Variants in ARHGEF33 observed in about 807,000 individuals in gnomAD.
The protein encoded by ARHGEF33 is DH and coiled-coil domain-containing protein ENSP00000381780.
In ARHGEF33, 72 loss-of-function variants were observed where a neutral mutation model predicts 101.9. That is an observed-to-expected ratio of 0.71 (90% confidence interval 0.58 to 0.86). The LOEUF is 0.86. Among genes scored for constraint, ARHGEF33 ranks in the 40% least tolerant of loss-of-function variants. ARHGEF33 has a pLI of 0.00. For synonymous variants in ARHGEF33, 499 were observed against 442.5 expected (o/e 1.13, Z -1.60); for missense variants, 1,169 against 1,111.3 (o/e 1.05, Z -0.74).
intron 16 of ARHGEF33, among the ~76,000 whole-genome samples, chr2:38,962,380 A>C (rs1337161255): frequency 6.6e-6 from 1 of 152,166 alleles, no homozygotes; most frequent in Non-Finnish European, 1.5e-5. Context: ...ATTTGTGAAA[A>C]ATTTGGGGTT....
intron 2 of ARHGEF33, among the ~76,000 whole-genome samples, chr2:38,912,765 T>C (rs1237324179): frequency 6.6e-6 from 1 of 152,172 alleles, no homozygotes; most frequent in Non-Finnish European, 1.5e-5. Flanking sequence ...TGAAATCATA[T>C]GGACCTGCCC....
intron 2 of ARHGEF33, among the ~76,000 whole-genome samples, chr2:38,915,425 C>T (rs1666609111): frequency 6.7e-6 from 1 of 149,902 alleles, no homozygotes; most frequent in Admixed American, 6.6e-5. Flanking sequence ...CGCCCTGTCC[C>T]CCAGGCTGGA....
At chr2:38,910,225 A>G (rs1266657193) in intron 2 of ARHGEF33, among the ~76,000 whole-genome samples, 2 of 152,208 alleles carry the variant, frequency 1.3e-5, no homozygotes, top group Non-Finnish European at 2.9e-5. Flanking sequence ...TTTAAAACAA[A>G]TTTCAATAAT....
intron 15 of ARHGEF33, 73 bp from the exon 16 acceptor site, chr2:38,959,768 G>T: frequency 7.0e-7 from 1 of 1,434,830 alleles, no homozygotes; most frequent in Non-Finnish European, 9.2e-7. Context: ...GCCCCGAGGG[G>T]CGCCGGCAGG....
At chr2:38,915,853 C>T (rs1666622302) in intron 2 of ARHGEF33, among the ~76,000 whole-genome samples, 1 of 151,948 alleles carries the variant, frequency 6.6e-6, no homozygotes, top group African/African-American at 2.4e-5. Context: ...ATGGGGAGAC[C>T]CTGTCTCTAC....
At position 38,973,855 on chromosome 2, in the gene ARHGEF33, A is replaced by G; in HGVS notation, c.*12A>G. The stretch of plus-strand genomic sequence containing the variant: ...GAACAGCTGTGTAAAACATACTTAA[A>G]GTTGTATTGTCAAGTGGTAAGATGA... On this transcript the variant is annotated 3_prime_UTR_variant, in exon 18 of 18. Transcript: ENST00000409978. 1 of 1,539,960 alleles carries G rather than the reference A, an allele frequency of 6.5e-7. No individual in the cohort carries two copies. The highest frequency in any genetic ancestry group is 8.8e-7 in the Non-Finnish European group (1 of 1,141,926).
chr2:38,965,327 C>T (rs1668029553), intron 16 of ARHGEF33, among the ~76,000 whole-genome samples: 1 of 152,196 alleles, frequency 6.6e-6, no homozygotes, highest in Admixed American at 6.5e-5. Context: ...TTTAGCACAT[C>T]TCACACTTAG....
intron 13 of ARHGEF33, 85 bp downstream of exon 13, chr2:38,954,541 G>T (rs1278348267): frequency 1.2e-5 from 9 of 769,614 alleles, no homozygotes; most frequent in African/African-American, 3.5e-5. Context: ...ATACTGTAAA[G>T]CCTCAAGAAT....
intron 16 of ARHGEF33, among the ~76,000 whole-genome samples, chr2:38,961,109 A>G (rs1244718521): frequency 6.6e-6 from 1 of 152,160 alleles, no homozygotes; most frequent in Non-Finnish European, 1.5e-5. Context: ...AATATGGAAC[A>G]CGGTGCGCCA....
chr2:38,953,217 C>T lies in ARHGEF33; in HGVS notation c.1109C>T (p.Ser370Leu), dbSNP rs866602176. 3.2e-6 allele frequency: 5 copies of T among 1,542,152 alleles called. No homozygotes were observed. The highest frequency in any genetic ancestry group is 4.4e-6 in the Non-Finnish European group (5 of 1,137,904). The part of the protein sequence containing the change: ...AYLRDLPECI[S>L]LVHVVVLKEG... The stretch of plus-strand genomic sequence containing the variant: ...CTAAGGGACCTGCCTGAGTGCATCT[C>T]ATTGGTTCATGTTGTAGTCCTGAAA... The change falls in exon 12 of 18, where the codon TCA becomes TTA. Residue 370 changes from serine to leucine, a missense_variant. Physicochemically the swap from Ser to Leu is moderately radical, Grantham distance 145 (BLOSUM62 -2). Coordinates refer to ENST00000409978, the MANE Select transcript of ARHGEF33 (RefSeq NM_001145451.5).
At chr2:38,967,724 C>T (rs1050711844) in intron 17 of ARHGEF33, among the ~76,000 whole-genome samples, 7 of 151,700 alleles carry the variant, frequency 4.6e-5, no homozygotes, top group South Asian at 4.2e-4. Context: ...TACAGGTGCC[C>T]GCCACCACGC....
At chr2:38,959,522 G>T in intron 15 of ARHGEF33, 1 of 267,376 alleles carries the variant, frequency 3.7e-6, no homozygotes, top group Non-Finnish European at 7.1e-6. Context: ...GGAGAGAAGA[G>T]AGTTGAAGGT....
chr2:38,945,903 C>G (rs1319195847), intron 10 of ARHGEF33, among the ~76,000 whole-genome samples: 2 of 152,180 alleles, frequency 1.3e-5, no homozygotes, highest in Non-Finnish European at 2.9e-5. Context: ...AGCCGCAGAA[C>G]CAATTAGTGC....
intron 4 of ARHGEF33, among the ~76,000 whole-genome samples, chr2:38,921,813 C>T (rs1016192884): frequency 3.9e-5 from 6 of 152,160 alleles, no homozygotes; most frequent in Non-Finnish European, 7.4e-5. Flanking sequence ...TTGCCTGCTG[C>T]CCCCATCGCC....
chr2:38,899,113 A>G lies in ARHGEF33; in HGVS notation c.-86+3264A>G, dbSNP rs112241702. Among the ~76,000 whole-genome samples, 1,200 of 152,236 alleles carry G rather than the reference A, an allele frequency of 7.9e-3. 10 individuals are homozygous for G. The highest frequency in any genetic ancestry group is 0.012 in the Non-Finnish European group (847 of 68,012). On this transcript the variant is annotated intron_variant, in intron 2 of 17. Transcript: ENST00000409978. ...TTTTTAGGGAAAGAAATAATTGATT[A>G]TAAACATCTCCTGAAATTAAATTCA...
intron 13 of ARHGEF33, among the ~76,000 whole-genome samples, chr2:38,955,670 AT>A (rs772258559): frequency 1.4e-5 from 2 of 146,868 alleles, no homozygotes; most frequent in Non-Finnish European, 3.0e-5. Flanking sequence ...TGGCTTATTT[AT>A]TTATTTATTT....
rs1211549626 is a variant in ARHGEF33 at position 38,966,055 on chromosome 2, A to G, written c.2393A>G (p.Glu798Gly). 1.3e-6 allele frequency: 2 copies of G among 1,551,724 alleles called. No individual in the cohort carries two copies. The highest frequency in any genetic ancestry group is 1.7e-6 in the Non-Finnish European group (2 of 1,146,986). Residue 798 changes from glutamate (E) to glycine (G), a missense_variant, in exon 17 of 18, where the codon GAA becomes GGA. By Grantham distance (98) the Glu-to-Gly change is moderately conservative. Coordinates refer to ENST00000409978, the MANE Select transcript of ARHGEF33 (RefSeq NM_001145451.5). ...TTRFCPKEER[E>G]SEQTSFSDQN... ...AGATTCTGTCCCAAAGAAGAAAGAG[A>G]AAGTGAACAAACATCTTTCAGCGAT... is the stretch of plus-strand genomic sequence containing the variant.
intron 2 of ARHGEF33, among the ~76,000 whole-genome samples, chr2:38,916,111 G>C (rs1279380289): frequency 6.6e-6 from 1 of 152,170 alleles, no homozygotes; most frequent in Non-Finnish European, 1.5e-5. Context: ...GGATATTCTA[G>C]CTCAGAAAAT....
intron 17 of ARHGEF33, among the ~76,000 whole-genome samples, chr2:38,970,006 G>A (rs1558448067): frequency 6.6e-6 from 1 of 152,218 alleles, no homozygotes; most frequent in Non-Finnish European, 1.5e-5. Context: ...AGATGTGGCA[G>A]TGGGGAAGAG....
Sources: gnomAD v4.1 joint callset for allele counts (sites outside exome capture counted in the v4.1 genomes callset) on GRCh38, gnomAD v4.1.1 for gene constraint, MANE v1.5 for transcripts, NCBI Gene and HGNC (gene_info 2026-07-23, HGNC 2026-07-21) for gene names.